The following GRIN2C variants were observed in gnomAD, a reference collection of about 807,000 sequenced individuals.
The protein encoded by GRIN2C is glutamate receptor ionotropic, NMDA 2C.
In GRIN2C, 64 loss-of-function variants were observed where a neutral mutation model predicts 77.7. The ratio of observed to expected loss-of-function variants is 0.82; its 90% CI spans 0.67 to 1.01. The LOEUF (loss-of-function observed/expected upper bound fraction) is 1.01. GRIN2C is among the 50% of genes least tolerant of loss of function. The probability of loss-of-function intolerance (pLI) is 0.00; values close to 1 mark genes in which losing one functional copy is unlikely to be tolerated. For missense variants in GRIN2C, 1,549 were observed against 1,486.0 expected (o/e 1.04, Z -0.70); for synonymous variants, 792 against 643.4 (o/e 1.23, Z -3.49).
rs1219973602 is a variant in GRIN2C at position 74,850,038 on chromosome 17, A to G, written c.1492-105T>C. The G allele has an allele frequency of 2.1e-6, 3 of 1,398,262 alleles. No individual in the cohort carries two copies. The highest frequency in any genetic ancestry group is 2.8e-5 in the African/African-American group (2 of 70,254). The allele number at this position is 1,398,262 out of a possible 1,614,324, so 86.6% of individuals were successfully genotyped here. A position where few individuals can be genotyped will look rare whatever the true frequency, so the allele number is the denominator to read the frequency against. On this transcript the variant is annotated intron_variant, in intron 6 of 12. Transcript: ENST00000293190. The surrounding 1 kb of genome is among the most constrained non-coding windows in gnomAD (Gnocchi z 5.3). ...CTTCTAGCACCCACCAGCTGAGTCA[A>G]TCATTCCCTCTGGGGCCCTCAGAGC...
In GRIN2C at chr17:74,843,400, G is replaced by A. The variant is rs1567886981; in HGVS notation, c.2737C>T (p.Leu913=). ...TCGATGGTGCGAGTGGCGCGGTCCAGGGAGCTGCTTACGCCCGCCGTGGTC... is the reference window on the plus strand; with the variant it reads ...TCGATGGTGCGAGTGGCGCGGTCCAAGGAGCTGCTTACGCCCGCCGTGGTC... The part of the protein sequence containing the change: ...MVTTAGVSSS[L]DRATRTIENW... Residue 913 remains leucine (L), a synonymous_variant, in exon 13 of 13, where the codon CTG becomes TTG. Transcript: ENST00000293190. The A allele has an allele frequency of 6.5e-7, 1 of 1,535,670 alleles. No individual in the cohort carries two copies. The highest frequency in any genetic ancestry group is 8.7e-7 in the Non-Finnish European group (1 of 1,145,900).
chr17:74,860,311 G>T, upstream of GRIN2C: 1 of 410,934 alleles, frequency 2.4e-6, no homozygotes, highest in South Asian at 1.7e-5. Context: ...CCCGGGGTCA[G>T]GGACTGAACT....
Position 74,847,665 on chromosome 17 carries a change from C to G in GRIN2C, c.1772-128G>C. On this transcript the variant is annotated intron_variant, in intron 8 of 12. Coordinates refer to ENST00000293190, the MANE Select transcript of GRIN2C (RefSeq NM_000835.6). This position sits in a 1 kb window ranked among gnomAD's most constrained non-coding sequence, Gnocchi z 5.2. The stretch of plus-strand genomic sequence containing the variant: ...TTGGGGGGGACGCGTCCTGGCCATT[C>G]CCTCGCCAGGTGAAGTGAGCTCACG... 3.4e-6 allele frequency: 3 copies of G among 870,174 alleles called. No individual in the cohort carries two copies. 53.9% of individuals were successfully genotyped at this position (870,174 alleles called of 1,614,324 possible).
chr17:74,842,974 G>A lies in GRIN2C; in HGVS notation c.3163C>T (p.Leu1055Phe). Residue 1055 changes from leucine to phenylalanine, a missense_variant, in exon 13 of 13, where the codon CTC (leucine) becomes TTC (phenylalanine). Coordinates refer to ENST00000293190, the MANE Select transcript of GRIN2C (RefSeq NM_000835.6). ...LFPELEDLPLLGPEQLARREA... is the reference protein window; with the variant it reads ...LFPELEDLPLFGPEQLARREA... ...CGCCGGGCCAGCTGCTCCGGACCGA[G>A]CAGCGGCAGGTCCTCCAGCTCCGGG... 5 of 512,496 alleles carry A rather than the reference G, an allele frequency of 9.8e-6. No individual in the cohort carries two copies. The highest frequency in any genetic ancestry group is 1.0e-5 in the Non-Finnish European group (3 of 297,852). 31.7% of individuals were successfully genotyped at this position (512,496 alleles called of 1,614,324 possible). A position where few individuals can be genotyped will look rare whatever the true frequency, so the allele number is the denominator to read the frequency against.
Position 74,847,418 on chromosome 17 carries a change from C to A in GRIN2C, c.1891G>T (p.Val631Phe). 1 of 1,614,092 alleles carries A rather than the reference C, an allele frequency of 6.2e-7. No individual in the cohort carries two copies. Among genetic ancestry groups the A allele is most frequent in the Non-Finnish European group, 8.5e-7 (1 of 1,179,968 alleles). Residue 631 changes from valine (V) to phenylalanine (F), a missense_variant, in exon 9 of 13, where the codon GTC becomes TTC. Coordinates refer to ENST00000293190, the MANE Select transcript of GRIN2C (RefSeq NM_000835.6). The surrounding 1 kb of genome is among the most constrained non-coding windows in gnomAD (Gnocchi z 5.2). ...AAGATGACAGCAAAGAAGGCCCAGA[C>A]CAGAACCATGATCTTGCTGGTGGTG... ...RGTTSKIMVL[V>F]WAFFAVIFLA...
Position 74,846,656 on chromosome 17 carries a change from G to C in GRIN2C, c.2162+104C>G, listed in dbSNP as rs2037465094. The C allele has an allele frequency of 7.2e-6, 9 of 1,247,592 alleles. No homozygotes were observed. The highest frequency in any genetic ancestry group is 9.0e-6 in the Non-Finnish European group (8 of 891,732). The allele number at this position is 1,247,592 out of a possible 1,614,324, so 77.3% of individuals were successfully genotyped here. Reference sequence around the variant, plus strand: ...GACCTCTTCCCTCCACCCCACAGGAGTCCTGCAGGACAGCCCAGTCCCACT... The same window carrying C: ...GACCTCTTCCCTCCACCCCACAGGACTCCTGCAGGACAGCCCAGTCCCACT... On this transcript the variant is annotated intron_variant, in intron 10 of 12. Coordinates refer to ENST00000293190, the MANE Select transcript of GRIN2C (RefSeq NM_000835.6). The surrounding 1 kb of genome is among the most constrained non-coding windows in gnomAD (Gnocchi z 4.4).
rs2037451698 is a variant in GRIN2C, at chr17:74,846,223, A to G, written c.2193T>C (p.Ala731=). 5.6e-6 allele frequency: 9 copies of G among 1,614,212 alleles called. No individual in the cohort carries two copies. Among genetic ancestry groups the G allele is most frequent in the Non-Finnish European group, 7.6e-6 (9 of 1,180,016 alleles). Residue 731 remains alanine, a synonymous_variant, in exon 11 of 13, where the codon GCT becomes GCC. Transcript: ENST00000293190. This position sits in a 1 kb window ranked among gnomAD's most constrained non-coding sequence, Gnocchi z 4.4. The stretch of plus-strand genomic sequence containing the variant: ...CCTTGCCTGCCATGTAGTTGAGGAC[A>G]GCAGCATCATAGATGAAGGCATCCA... ...GKLDAFIYDA[A]VLNYMAGKDE... is the part of the protein sequence containing the mutation.
intron 1 of GRIN2C, among the ~76,000 whole-genome samples, chr17:74,857,687 C>CGGTA (rs1294914223): frequency 1.3e-5 from 2 of 152,218 alleles, no homozygotes; most frequent in Admixed American, 1.3e-4. Flanking sequence ...AAACCTCCTA[C>CGGTA]TACCCCTGCC....
At position 74,852,316 on chromosome 17, in the gene GRIN2C, T is replaced by G; in HGVS notation, c.695A>C (p.Glu232Ala). 6.9e-7 allele frequency: 1 copy of G among 1,450,690 alleles called. No homozygotes were observed. The highest frequency in any genetic ancestry group is 9.0e-7 in the Non-Finnish European group (1 of 1,108,872). The allele number at this position is 1,450,690 out of a possible 1,614,324, so 89.9% of individuals were successfully genotyped here. ...PVFVAYCSRE[E>A]AEVLFAEAAQ... The stretch of plus-strand genomic sequence containing the variant: ...CGCCTCGGCGAAGAGCACCTCGGCC[T>G]CCTCGCGCGAGCAGTAGGCCACAAA... The change falls in exon 3 of 13, where the codon GAG (glutamate) becomes GCG (alanine). Residue 232 changes from glutamate to alanine, a missense_variant. Transcript: ENST00000293190.
upstream of GRIN2C, among the ~76,000 whole-genome samples, chr17:74,860,281 T>A (rs1318815980): frequency 6.6e-6 from 1 of 152,228 alleles, no homozygotes; most frequent in East Asian, 1.9e-4. Context: ...AATAAGTGTC[T>A]TTCCTCGATT....
At chr17:74,848,144 G>GC (rs2037522768) in intron 7 of GRIN2C, among the ~76,000 whole-genome samples, 167 bp from the exon 8 acceptor site, 1 of 152,116 alleles carries the variant, frequency 6.6e-6, no homozygotes, top group Admixed American at 6.5e-5. Context: ...CCCAGGAGAG[G>GC]CCCCCAAAAG....
In GRIN2C at chr17:74,850,104, G is replaced by A. The variant is rs902245576; in HGVS notation, c.1491+102C>T. ...GACCACCCCAGGAGTCATCATTGGT[G>A]ACAGCCCATGCCCCCCTCTAGAGGG... On this transcript the variant is annotated intron_variant, in intron 6 of 12. Transcript: ENST00000293190. This position sits in a 1 kb window ranked among gnomAD's most constrained non-coding sequence, Gnocchi z 5.3. 5 of 1,409,774 alleles carry A rather than the reference G, an allele frequency of 3.5e-6. No individual in the cohort carries two copies. In the African/African-American group the frequency reaches 5.6e-5, roughly 16 times the overall value. 87.3% of individuals were successfully genotyped at this position (1,409,774 alleles called of 1,614,324 possible).
At chr17:74,860,576 G>A (rs1229219406), upstream of GRIN2C, 5 of 445,280 alleles carry the variant, frequency 1.1e-5, no homozygotes, top group Non-Finnish European at 2.3e-5. Flanking sequence ...CCTCCCCGCC[G>A]TCGGGGATCC....
chr17:74,854,611 C>A, intron 2 of GRIN2C, 83 bp downstream of exon 2: 1 of 1,198,850 alleles, frequency 8.3e-7, no homozygotes, highest in Non-Finnish European at 1.2e-6. Context: ...CCGTCTAATC[C>A]CAGCTTCCCA....
intron 7 of GRIN2C, among the ~76,000 whole-genome samples, chr17:74,848,312 G>A (rs751105567): frequency 6.6e-6 from 1 of 152,128 alleles, no homozygotes; most frequent in African/African-American, 2.4e-5. Context: ...GAGCCCCTGA[G>A]GCCAAGTCTT....
chr17:74,860,001 C>A, upstream of GRIN2C: 1 of 150,514 alleles, frequency 6.6e-6, no homozygotes, highest in South Asian at 2.0e-4. Context: ...CCGCCGGCGT[C>A]CGCGGCTCCG....
chr17:74,846,915 C>A lies in GRIN2C; in HGVS notation c.2007G>T (p.Gln669His). 1 of 1,606,784 alleles carries A rather than the reference C, an allele frequency of 6.2e-7. No individual in the cohort carries two copies. Among genetic ancestry groups the A allele is most frequent in the African/African-American group, 1.3e-5 (1 of 74,952 alleles). Residue 669 changes from glutamine to histidine, a missense_variant, in exon 10 of 13, where the codon CAG (glutamine) becomes CAT (histidine). Gln to His is a conservative substitution (Grantham distance 24). Transcript: ENST00000293190. This position sits in a 1 kb window ranked among gnomAD's most constrained non-coding sequence, Gnocchi z 4.4. ...AAGGTGGGTACTGATCTTGAGGCCGCTGAAACTGCAGGCGGAGGGCAGCAG... is the reference window on the plus strand; with the variant it reads ...AAGGTGGGTACTGATCTTGAGGCCGATGAAACTGCAGGCGGAGGGCAGCAG... ...TVSGLSDKKF[Q>H]RPQDQYPPFR...
chr17:74,844,612 G>A, intron 11 of GRIN2C, 104 bp from the exon 12 acceptor site: 1 of 1,488,456 alleles, frequency 6.7e-7, no homozygotes. Flanking sequence ...CTGGGGCAGG[G>A]TGCCACCCAC....
At chr17:74,861,000 C>G (rs951750258), upstream of GRIN2C, among the ~76,000 whole-genome samples, 1 of 152,164 alleles carries the variant, frequency 6.6e-6, no homozygotes, top group South Asian at 2.1e-4. Flanking sequence ...CCCCGGCCCC[C>G]ACTCCCGGCC....
Sources: gnomAD v4.1 joint callset for allele counts (sites outside exome capture counted in the v4.1 genomes callset) on GRCh38, gnomAD v4.1.1 for gene constraint, Gnocchi (gnomAD v3.1) non-coding constraint, MANE v1.5 for transcripts, NCBI Gene and HGNC (gene_info 2026-07-23, HGNC 2026-07-21) for gene names.